SNRNP27: variants seen among roughly 807,000 people sequenced by gnomAD.
SNRNP27 encodes the protein small nuclear ribonucleoprotein U4/U6.U5 subunit 27.
In SNRNP27, 22 loss-of-function variants were observed where a neutral mutation model predicts 25.1. The ratio of observed to expected loss-of-function variants is 0.88; its 90% CI spans 0.63 to 1.25. The LOEUF (loss-of-function observed/expected upper bound fraction) is 1.25, where lower values mean the gene tolerates loss of function less well. Among genes scored for constraint, SNRNP27 ranks in the 50% most tolerant of loss-of-function variants. SNRNP27 has a pLI of 0.00. For missense variants in SNRNP27, 150 were observed against 202.3 expected (o/e 0.74, Z 1.57); for synonymous variants, 66 against 64.9 (o/e 1.02, Z -0.08).
Position 69,896,864 on chromosome 2 carries a change from G to C in SNRNP27, c.268+316G>C, listed in dbSNP as rs553857657. ...AATTTTTGTATTTTTAGTAGAGACG[G>C]GTTCTCACCATGTTAGCCAGGCTGG... On this transcript the variant is annotated intron_variant, in intron 3 of 5. Coordinates refer to ENST00000244227, the MANE Select transcript of SNRNP27 (RefSeq NM_006857.3). 4.2e-3 allele frequency among the ~76,000 whole-genome samples: 644 copies of C among 152,080 alleles called. 6 individuals carry two copies. Among genetic ancestry groups the C allele is most frequent in the African/African-American group, 0.013 (549 of 41,490 alleles).
intron 4 of SNRNP27, among the ~76,000 whole-genome samples, chr2:69,899,050 G>C (rs938876198): frequency 3.3e-5 from 5 of 152,182 alleles, no homozygotes; most frequent in African/African-American, 1.2e-4. Flanking sequence ...CCTGTTGCTG[G>C]ATGTTAGGTT....
At position 69,904,380 on chromosome 2, in the gene SNRNP27, T is replaced by A; in HGVS notation, c.*72T>A. 8.7e-7 allele frequency: 1 copy of A among 1,150,652 alleles called. No individual in the cohort carries two copies. The highest frequency in any genetic ancestry group is 1.3e-6 in the Non-Finnish European group (1 of 762,788). 71.3% of individuals were successfully genotyped at this position (1,150,652 alleles called of 1,614,324 possible). Reference sequence around the variant, plus strand: ...GAGAGTGGATTTTGTATTTTGTATTTAACTTGCATTCAAAAAACAGGATCT... The same window carrying A: ...GAGAGTGGATTTTGTATTTTGTATTAAACTTGCATTCAAAAAACAGGATCT... On this transcript the variant is annotated 3_prime_UTR_variant, in exon 6 of 6. Transcript: ENST00000244227.
intron 2 of SNRNP27, 102 bp from the exon 3 acceptor site, chr2:69,896,334 A>G (rs1461073388): frequency 2.3e-5 from 25 of 1,097,610 alleles, no homozygotes; most frequent in Non-Finnish European, 2.9e-5. Flanking sequence ...GCTATACGGA[A>G]TGACTCGTGG....
rs202088316 is a variant in SNRNP27 at position 69,895,017 on chromosome 2, T to C, written c.35-77T>C. 8.3e-5 allele frequency: 131 copies of C among 1,579,732 alleles called. 1 individual carries two copies. Among genetic ancestry groups the C allele is most frequent in the Middle Eastern group, 4.6e-4 (2 of 4,318 alleles). On this transcript the variant is annotated intron_variant, in intron 1 of 5. Transcript: ENST00000244227. ...TAATGTGACTAGTAATGGTTTGCAT[T>C]ATTTTTCTACTGGACGGCGCAGCTC...
chr2:69,895,049 T>A, intron 1 of SNRNP27, 45 bp from the exon 2 acceptor site: 1 of 1,608,468 alleles, frequency 6.2e-7, no homozygotes, highest in Non-Finnish European at 8.5e-7. Flanking sequence ...GCTCTAGATA[T>A]TTGAGGTAAT....
intron 4 of SNRNP27, among the ~76,000 whole-genome samples, chr2:69,902,852 CCTT>C (rs975513733): frequency 2.6e-5 from 4 of 151,722 alleles, no homozygotes; most frequent in African/African-American, 9.7e-5. Context: ...TGCTGCTTCT[CCTT>C]CTCCTCCTCC....
chr2:69,894,601 G>T (rs1676566621), intron 1 of SNRNP27, among the ~76,000 whole-genome samples: 1 of 151,996 alleles, frequency 6.6e-6, no homozygotes, highest in Non-Finnish European at 1.5e-5. Context: ...GCAGCGCGAC[G>T]TAAAGAACCC....
rs557814384 is a variant in SNRNP27, at chr2:69,898,758, T to C, written c.348+1302T>C. Among the ~76,000 whole-genome samples the C allele has an allele frequency of 2.6e-5, 4 of 152,348 alleles. No individual in the cohort carries two copies. The South Asian group carries it at 6.2e-4, about 24-fold the overall frequency. On this transcript the variant is annotated intron_variant, in intron 4 of 5. Coordinates refer to ENST00000244227, the MANE Select transcript of SNRNP27 (RefSeq NM_006857.3). ...AGAAATTAAGAACAAGCTCTTGTTC[T>C]TGCAATGGTTATGTGAGCTCTGTTT...
chr2:69,903,756 A>AGTCCAG (rs1204848878), intron 5 of SNRNP27, among the ~76,000 whole-genome samples: 1 of 152,212 alleles, frequency 6.6e-6, no homozygotes, highest in African/African-American at 2.4e-5. Flanking sequence ...AAAGATTAAT[A>AGTCCAG]GTCCAGTTAA....
At chr2:69,901,043 G>A (rs969757818) in intron 4 of SNRNP27, among the ~76,000 whole-genome samples, 3 of 152,058 alleles carry the variant, frequency 2.0e-5, no homozygotes, top group Admixed American at 6.5e-5. Flanking sequence ...GCGTAGTGGT[G>A]CATGCCTGTA....
At position 69,904,853 on chromosome 2, in the gene SNRNP27, C is replaced by T. The variant is rs1558563470; in HGVS notation, c.*545C>T. ...CCCCAAAAAAATACCATTTATGGTTCTCTCCGCAAGTATAAAAGCATTACA... is the reference window on the plus strand; with the variant it reads ...CCCCAAAAAAATACCATTTATGGTTTTCTCCGCAAGTATAAAAGCATTACA... On this transcript the variant is annotated 3_prime_UTR_variant, in exon 6 of 6. Coordinates refer to ENST00000244227, the MANE Select transcript of SNRNP27 (RefSeq NM_006857.3). 1 of 136,408 alleles carries T rather than the reference C, an allele frequency of 7.3e-6. No individual in the cohort carries two copies. The highest frequency in any genetic ancestry group is 2.8e-5 in the African/African-American group (1 of 36,236). 8.4% of individuals were successfully genotyped at this position (136,408 alleles called of 1,614,324 possible).
Position 69,904,822 on chromosome 2 carries a change from G to GCCCC in SNRNP27, c.*520_*523dup, listed in dbSNP as rs200606303. 7.8e-6 allele frequency: 1 copy of GCCCC among 127,944 alleles called. No individual in the cohort carries two copies. The highest frequency in any genetic ancestry group is 1.6e-5 in the Non-Finnish European group (1 of 61,698). 7.9% of individuals were successfully genotyped at this position (127,944 alleles called of 1,614,324 possible). A position where few individuals can be genotyped will look rare whatever the true frequency, so the allele number is the denominator to read the frequency against. ...ATTTTTCTATCTTCTGTGGTCGCCCGCCCCCCCCCAAAAAAATACCATTTA... is the reference window on the plus strand; with the variant it reads ...ATTTTTCTATCTTCTGTGGTCGCCCGCCCCCCCCCCCCCAAAAAAATACCATTTA... On this transcript the variant is annotated 3_prime_UTR_variant, in exon 6 of 6. Coordinates refer to ENST00000244227, the MANE Select transcript of SNRNP27 (RefSeq NM_006857.3).
chr2:69,894,287 G>T (rs1676561879), intron 1 of SNRNP27, among the ~76,000 whole-genome samples: 1 of 152,092 alleles, frequency 6.6e-6, no homozygotes, highest in African/African-American at 2.4e-5. Flanking sequence ...GTGGCCGGTG[G>T]GTTTAGAATT....
chr2:69,896,276 T>C (rs186958478), intron 2 of SNRNP27, among the ~76,000 whole-genome samples, 160 bp from the exon 3 acceptor site: 1 of 152,192 alleles, frequency 6.6e-6, no homozygotes, highest in Non-Finnish European at 1.5e-5. Context: ...CATTAAAAAA[T>C]TTTTTTGTTA....
intron 4 of SNRNP27, among the ~76,000 whole-genome samples, chr2:69,898,462 G>A (rs1424556806): frequency 6.6e-6 from 1 of 151,852 alleles, no homozygotes; most frequent in Non-Finnish European, 1.5e-5. Context: ...GAGGGAGGGT[G>A]TGTGGAAAGA....
chr2:69,902,303 T>C (rs1676715168), intron 4 of SNRNP27, among the ~76,000 whole-genome samples: 2 of 150,526 alleles, frequency 1.3e-5, no homozygotes, highest in African/African-American at 2.4e-5. Context: ...CTCCTCCTTC[T>C]TCCTCCTCCT....
At chr2:69,895,053 A>G (rs968575180) in intron 1 of SNRNP27, 41 bp from the exon 2 acceptor site, 6 of 1,608,440 alleles carry the variant, frequency 3.7e-6, no homozygotes, top group Non-Finnish European at 5.1e-6. Flanking sequence ...TAGATATTTG[A>G]GGTAATTATC....
At chr2:69,894,165 A>T (rs961015036) in intron 1 of SNRNP27, 147 bp downstream of exon 1, 1 of 692,676 alleles carries the variant, frequency 1.4e-6, no homozygotes. Context: ...AGGAACGTAG[A>T]CCTGGGCCCT....
At position 69,894,967 on chromosome 2, in the gene SNRNP27, C is replaced by T. The variant is rs4853137; in HGVS notation, c.35-127C>T. 19,715 of 1,345,046 alleles carry T rather than the reference C, an allele frequency of 0.015. 2,282 individuals are homozygous for T. In the Admixed American group the frequency reaches 0.28, roughly 19 times the overall value. The allele number at this position is 1,345,046 out of a possible 1,614,324, so 83.3% of individuals were successfully genotyped here. On this transcript the variant is annotated intron_variant, in intron 1 of 5. Coordinates refer to ENST00000244227, the MANE Select transcript of SNRNP27 (RefSeq NM_006857.3). ...TGCTGGGATTACAGGCGTGAGCCAC[C>T]GCTCCCAGCCTCTTTTTACCTTTTT...
Sources: allele counts gnomAD v4.1 joint callset (sites outside exome capture counted in the v4.1 genomes callset), GRCh38; gene constraint gnomAD v4.1.1; transcripts MANE v1.5; gene names NCBI Gene and HGNC (gene_info 2026-07-23, HGNC 2026-07-21).